Variants in CYRIB observed in about 807,000 individuals in gnomAD.
CYRIB encodes CYFIP-related Rac1 interactor B.
In CYRIB, 8 loss-of-function variants were observed where a neutral mutation model predicts 44.2. The ratio of observed to expected loss-of-function variants is 0.18; its 90% CI spans 0.11 to 0.33. CYRIB has a LOEUF of 0.33. Among genes scored for constraint, CYRIB ranks in the 10% least tolerant of loss-of-function variants. CYRIB has a pLI of 1.00. For missense variants in CYRIB, 185 were observed against 382.8 expected (o/e 0.48, Z 4.31); for synonymous variants, 131 against 127.2 (o/e 1.03, Z -0.20).
Position 129,978,138 on chromosome 8 carries a change from T to G in CYRIB, c.-295-7143A>C, listed in dbSNP as rs1466972727. Among the ~76,000 whole-genome samples the G allele has an allele frequency of 3.9e-5, 6 of 152,108 alleles. No individual in the cohort carries two copies. The East Asian group carries it at 1.2e-3, about 29-fold the overall frequency. On this transcript the variant is annotated intron_variant, in intron 1 of 14. Coordinates refer to the CYRIB transcript ENST00000401979. ...TCTTGCTATGTGCCCAGGTCAATCT[T>G]GCACTCCTGGCCTTAACAATCCTCC...
chr8:130,001,525 C>CTTTTTTTTTTTT (rs1325066581), intron 1 of CYRIB, among the ~76,000 whole-genome samples: 1 of 120,348 alleles, frequency 8.3e-6, no homozygotes. Context: ...AAAATAATTT[C>CTTTTTTTTTTTT]TTTTTTTTTT....
At chr8:129,960,423 C>T (rs918803719) in intron 2 of CYRIB, among the ~76,000 whole-genome samples, 68 of 151,746 alleles carry the variant, frequency 4.5e-4, no homozygotes, top group South Asian at 2.1e-4. Context: ...GGCGAAACCC[C>T]GCCTCTACTA....
chr8:129,946,509 C>A (rs902133807), intron 2 of CYRIB, among the ~76,000 whole-genome samples: 1 of 152,140 alleles, frequency 6.6e-6, no homozygotes, highest in Non-Finnish European at 1.5e-5. Flanking sequence ...GGGAAGAGGA[C>A]AGGGGACAGA....
chr8:129,925,297 C>T (rs1298111820), intron 1 of CYRIB, among the ~76,000 whole-genome samples: 1 of 152,148 alleles, frequency 6.6e-6, no homozygotes, highest in East Asian at 1.9e-4. Flanking sequence ...ACTCAGGAGG[C>T]TGAGGCACGA....
chr8:129,970,299 A>G (rs1305452314), intron 2 of CYRIB, among the ~76,000 whole-genome samples: 2 of 152,302 alleles, frequency 1.3e-5, no homozygotes, highest in South Asian at 4.1e-4. Context: ...GGGAAAAAAG[A>G]AGTAGAAAAG....
chr8:129,943,588 C>T (rs537794580), upstream of CYRIB, among the ~76,000 whole-genome samples: 92 of 141,498 alleles, frequency 6.5e-4, no homozygotes, highest in Non-Finnish European at 1.2e-3. Context: ...GAGTGAGACT[C>T]CATCTTTTTT....
chr8:129,927,224 G>C (rs931829755), intron 1 of CYRIB, among the ~76,000 whole-genome samples: 2 of 152,060 alleles, frequency 1.3e-5, no homozygotes, highest in Non-Finnish European at 2.9e-5. Context: ...CCCAGGAGGC[G>C]AAGGTTGCAA....
intron 2 of CYRIB, among the ~76,000 whole-genome samples, chr8:129,948,284 T>C (rs139349569): frequency 3.0e-4 from 46 of 152,314 alleles, no homozygotes; most frequent in Non-Finnish European, 6.2e-4. Context: ...CGCCTTCACT[T>C]CTTCCCAAGC....
chr8:129,917,640 T>C (rs971579590), intron 1 of CYRIB, among the ~76,000 whole-genome samples: 2 of 152,110 alleles, frequency 1.3e-5, no homozygotes, highest in Non-Finnish European at 2.9e-5. Flanking sequence ...GGGCGGATCA[T>C]GAGGTCAGGA....
intron 1 of CYRIB, among the ~76,000 whole-genome samples, chr8:129,914,243 A>C (rs2136512022): frequency 6.6e-6 from 1 of 152,334 alleles, no homozygotes; most frequent in Non-Finnish European, 1.5e-5. Flanking sequence ...ATAAAATTCT[A>C]ATGGAATATA....
At chr8:129,895,436 A>ATTTTTTTTTTTTTTTTTTTTTT (rs1554770047) in intron 2 of CYRIB, among the ~76,000 whole-genome samples, 2 of 107,918 alleles carry the variant, frequency 1.9e-5, no homozygotes, top group Non-Finnish European at 4.4e-5. Flanking sequence ...ATTTTTCTTC[A>ATTTTTTTTTTTTTTTTTTTTTT]TGGTCTGTGC....
chr8:129,847,136 A>G, intron 10 of CYRIB: 1 of 314,822 alleles, frequency 3.2e-6, no homozygotes, highest in East Asian at 8.0e-5. Context: ...TTGCTAAGGG[A>G]AGACTTCTGG....
rs1028782780 is a variant in CYRIB at position 130,011,324 on chromosome 8, C to T, written c.-296+5046G>A. Among the ~76,000 whole-genome samples, 16 of 150,354 alleles carry T rather than the reference C, an allele frequency of 1.1e-4. No individual in the cohort carries two copies. In the Middle Eastern group the frequency reaches 0.011, roughly 102 times the overall value. Reference sequence around the variant, plus strand: ...TCACCTGAGGTCAGGAGTTCGAGACCGGCCTGGCCAATATGGGGAAACCCT... The same window carrying T: ...TCACCTGAGGTCAGGAGTTCGAGACTGGCCTGGCCAATATGGGGAAACCCT... On this transcript the variant is annotated intron_variant, in intron 1 of 14. Coordinates refer to the CYRIB transcript ENST00000401979.
At chr8:129,862,717 C>G (rs1050331756) in intron 4 of CYRIB, among the ~76,000 whole-genome samples, 1 of 152,110 alleles carries the variant, frequency 6.6e-6, no homozygotes, top group Non-Finnish European at 1.5e-5. Flanking sequence ...GGTGATCCAC[C>G]CACCTTGGCC....
intron 5 of CYRIB, among the ~76,000 whole-genome samples, chr8:129,856,516 G>C (rs2046289418): frequency 6.6e-6 from 1 of 152,088 alleles, no homozygotes. Flanking sequence ...CACAGAACTG[G>C]AAAATGCTGC....
intron 1 of CYRIB, among the ~76,000 whole-genome samples, chr8:129,934,070 G>T (rs1049753245): frequency 5.9e-5 from 9 of 152,282 alleles, no homozygotes; most frequent in Admixed American, 2.0e-4. Context: ...AAAGTCTCAT[G>T]ATTTCACTGA....
At chr8:129,851,917 C>T (rs1329761228) in intron 8 of CYRIB, 1 of 366,528 alleles carries the variant, frequency 2.7e-6, no homozygotes, top group Non-Finnish European at 4.8e-6. Context: ...TTAGAAAACG[C>T]AACCCAGAGT....
intron 1 of CYRIB, among the ~76,000 whole-genome samples, chr8:129,905,711 T>G (rs978331448): frequency 6.6e-6 from 1 of 152,158 alleles, no homozygotes; most frequent in African/African-American, 2.4e-5. Context: ...ACTGACCACT[T>G]TTATAAACCA....
chr8:129,889,620 G>A (rs2064248663), intron 2 of CYRIB, among the ~76,000 whole-genome samples: 1 of 152,044 alleles, frequency 6.6e-6, no homozygotes, highest in Non-Finnish European at 1.5e-5. Flanking sequence ...GACTGTGAGG[G>A]GGGTTCAAGA....
Sources: allele counts gnomAD v4.1 joint callset (sites outside exome capture counted in the v4.1 genomes callset), GRCh38; gene constraint gnomAD v4.1.1; transcripts MANE v1.5; gene names NCBI Gene and HGNC (gene_info 2026-07-23, HGNC 2026-07-21).